Variants in ABL2 observed in about 807,000 individuals in gnomAD.
ABL2 encodes ABL proto-oncogene 2, non-receptor tyrosine kinase, also known as tyrosine-protein kinase ABL2.
A neutral mutation model predicts 107.7 loss-of-function variants in ABL2; 49 were observed. That is an observed-to-expected ratio of 0.45 (90% CI 0.36 to 0.58). The LOEUF (loss-of-function observed/expected upper bound fraction) is 0.58. ABL2 is among the 20% of genes least tolerant of loss of function. ABL2 has a pLI of 0.00. For synonymous variants in ABL2, 549 were observed against 548.6 expected, an observed-to-expected ratio of 1.00 and a Z score of -0.01; for missense variants, 1,245 against 1,457.0, an observed-to-expected ratio of 0.85 and a Z score of 2.37.
chr1:179,178,564 A>G (rs1660189594), intron 1 of ABL2, among the ~76,000 whole-genome samples: 1 of 152,100 alleles, frequency 6.6e-6, no homozygotes, highest in Non-Finnish European at 1.5e-5. Flanking sequence ...ATAAAAACTT[A>G]TGGCAAAAGT....
chr1:179,126,142 C>T lies in ABL2; in HGVS notation c.687+235G>A, dbSNP rs193264512. Reference sequence around the variant, plus strand: ...TAGAGCAGTTCCCTTCATTCTTCACCTTCAAATCTAGCTTATCTTTAAAAT... The same window carrying T: ...TAGAGCAGTTCCCTTCATTCTTCACTTTCAAATCTAGCTTATCTTTAAAAT... On this transcript the variant is annotated intron_variant, in intron 4 of 11. Coordinates refer to ENST00000502732, the MANE Select transcript of ABL2 (RefSeq NM_007314.4). This position sits in a 1 kb window ranked among gnomAD's most constrained non-coding sequence, Gnocchi z 4.4. 6.6e-6 allele frequency among the ~76,000 whole-genome samples: 1 copy of T among 152,246 alleles called. No homozygotes were observed. Among genetic ancestry groups the T allele is most frequent in the Admixed American group, 6.5e-5 (1 of 15,284 alleles).
intron 5 of ABL2, 101 bp downstream of exon 5, chr1:179,121,494 G>A: frequency 6.9e-7 from 1 of 1,455,862 alleles, no homozygotes; most frequent in South Asian, 1.3e-5. Context: ...GCACTAGTGG[G>A]TGGAAAGTGT....
At chr1:179,203,054 G>A (rs1386714196) in intron 1 of ABL2, among the ~76,000 whole-genome samples, 1 of 152,126 alleles carries the variant, frequency 6.6e-6, no homozygotes. Context: ...TTAGATTGTT[G>A]TCTCCCAGTA....
chr1:179,229,170 G>GGCCCCCCCCCCCCCCCC, intron 1 of ABL2, 71 bp downstream of exon 1: 1 of 266,256 alleles, frequency 3.8e-6, no homozygotes. Flanking sequence ...CAGCCCGTCC[G>GGCCCCCCCCCCCCCCCC]CCACCCACCC....
Position 179,103,015 on chromosome 1 carries a change from T to C in ABL2, c.*4703A>G, listed in dbSNP as rs1474907334. The C allele has an allele frequency of 4.5e-6, 1 of 224,518 alleles. No individual in the cohort carries two copies. Among genetic ancestry groups the C allele is most frequent in the African/African-American group, 2.2e-5 (1 of 44,810 alleles). 13.9% of individuals were successfully genotyped at this position (224,518 alleles called of 1,614,324 possible). ...ACTGTCAACATCAACAGATAACAAGTCTGTTCCCACCACATTTAGGATAAA... is the reference window on the plus strand; with the variant it reads ...ACTGTCAACATCAACAGATAACAAGCCTGTTCCCACCACATTTAGGATAAA... On this transcript the variant is annotated 3_prime_UTR_variant, in exon 12 of 12. Coordinates refer to ENST00000502732, the MANE Select transcript of ABL2 (RefSeq NM_007314.4).
intron 1 of ABL2, among the ~76,000 whole-genome samples, chr1:179,182,969 T>C (rs966434414): frequency 6.6e-6 from 1 of 152,164 alleles, no homozygotes; most frequent in Non-Finnish European, 1.5e-5. Flanking sequence ...TGTCATAGTA[T>C]TGCTGGTAAG....
rs575102123 is a variant in ABL2 at position 179,182,800 on chromosome 1, G to A, written c.157+46441C>T. Among the ~76,000 whole-genome samples the A allele has an allele frequency of 3.3e-5, 5 of 152,128 alleles. No individual in the cohort carries two copies. In the South Asian group the frequency reaches 1.0e-3, roughly 32 times the overall value. ...GGAGAGTTAAGTATGCAGTGTTAGT[G>A]GAAACTTTTTTGGTTAACAGCTTAT... On this transcript the variant is annotated intron_variant, in intron 1 of 11. Coordinates refer to ENST00000502732, the MANE Select transcript of ABL2 (RefSeq NM_007314.4).
intron 1 of ABL2, among the ~76,000 whole-genome samples, chr1:179,205,135 TCC>T (rs1425983021): frequency 2.0e-5 from 3 of 151,848 alleles, no homozygotes; most frequent in East Asian, 3.9e-4. Context: ...CAAGAGATTC[TCC>T]TGCCTCAGCC....
At chr1:179,208,469 A>C (rs905856660) in intron 1 of ABL2, among the ~76,000 whole-genome samples, 1 of 152,234 alleles carries the variant, frequency 6.6e-6, no homozygotes. Context: ...ATGTTGCTGC[A>C]AAGGACATGA....
chr1:179,108,525 A>G lies in ABL2; in HGVS notation c.2742T>C (p.Pro914=). ...GGACGGGGGCAGCCTTGGCTGGAGA[A>G]GGCCAGCCCGGCTGCTCTCCATCCT... ...VPEDGEQPGW[P]SPAKAAPVLP... Residue 914 remains proline (P), a synonymous_variant, in exon 12 of 12, where the codon CCT becomes CCC. Transcript: ENST00000502732. The G allele has an allele frequency of 1.2e-6, 2 of 1,614,124 alleles. No individual in the cohort carries two copies. The highest frequency in any genetic ancestry group is 1.7e-6 in the Non-Finnish European group (2 of 1,180,002).
intron 1 of ABL2, among the ~76,000 whole-genome samples, chr1:179,226,626 T>C (rs78608171): frequency 0.026 from 3,898 of 152,268 alleles, 128 homozygotes; most frequent in Admixed American, 0.065. Flanking sequence ...CTGTTTTTAA[T>C]AATAACAGTA....
At chr1:179,136,841 G>A (rs890855817) in intron 1 of ABL2, among the ~76,000 whole-genome samples, 3 of 151,292 alleles carry the variant, frequency 2.0e-5, no homozygotes, top group Non-Finnish European at 4.4e-5. Flanking sequence ...GCTTGAGTCT[G>A]GGAGGTGGAG....
intron 1 of ABL2, among the ~76,000 whole-genome samples, chr1:179,199,286 C>T (rs531391570): frequency 6.6e-5 from 10 of 152,272 alleles, no homozygotes; most frequent in Non-Finnish European, 7.4e-5. Flanking sequence ...GTTTCTATGC[C>T]TCTTCCATCC....
In ABL2 at chr1:179,108,387, G is replaced by A. The variant is rs751842214; in HGVS notation, c.2880C>T (p.Leu960=). The part of the protein sequence containing the change: ...GTDSQGNKFK[L]LSEHQVTSSG... The stretch of plus-strand genomic sequence containing the variant: ...AGGATGTGACCTGATGCTCAGATAA[G>A]AGCTTGAATTTATTCCCCTGAGAGT... Residue 960 remains leucine, a synonymous_variant, in exon 12 of 12, where the codon CTC becomes CTT. Coordinates refer to ENST00000502732, the MANE Select transcript of ABL2 (RefSeq NM_007314.4). The A allele has an allele frequency of 1.3e-4, 207 of 1,614,106 alleles. No individual in the cohort carries two copies. Among genetic ancestry groups the A allele is most frequent in the Non-Finnish European group, 1.7e-4 (203 of 1,180,056 alleles).
At chr1:179,170,832 TG>T (rs1466440261) in intron 1 of ABL2, among the ~76,000 whole-genome samples, 1 of 151,936 alleles carries the variant, frequency 6.6e-6, no homozygotes, top group Non-Finnish European at 1.5e-5. Context: ...TGACCTCAGG[TG>T]ATCTGCCCGC....
intron 1 of ABL2, among the ~76,000 whole-genome samples, chr1:179,153,722 T>G (rs554061395): frequency 4.6e-5 from 7 of 152,170 alleles, no homozygotes; most frequent in Non-Finnish European, 1.0e-4. Flanking sequence ...CATTCATAGG[T>G]TCCAGGGATT....
intron 1 of ABL2, among the ~76,000 whole-genome samples, chr1:179,156,699 A>G (rs1427695778): frequency 6.6e-6 from 1 of 152,070 alleles, no homozygotes; most frequent in Non-Finnish European, 1.5e-5. Flanking sequence ...AACTTGACGA[A>G]ACCCCGTCTC....
At chr1:179,111,916 G>A (rs28913882) in intron 10 of ABL2, among the ~76,000 whole-genome samples, 2,063 of 152,082 alleles carry the variant, frequency 0.014, 12 homozygotes, top group Non-Finnish European at 0.021. Flanking sequence ...GTGGTAGCAG[G>A]TGCCTGCAAT....
At chr1:179,161,055 AG>A (rs1314572512) in intron 1 of ABL2, among the ~76,000 whole-genome samples, 2 of 152,184 alleles carry the variant, frequency 1.3e-5, no homozygotes, top group African/African-American at 4.8e-5. Flanking sequence ...TATCATTCAG[AG>A]GTGATACCAA....
Sources: gnomAD v4.1 joint callset for allele counts (sites outside exome capture counted in the v4.1 genomes callset) on GRCh38, gnomAD v4.1.1 for gene constraint, Gnocchi (gnomAD v3.1) non-coding constraint, MANE v1.5 for transcripts, NCBI Gene and HGNC (gene_info 2026-07-23, HGNC 2026-07-21) for gene names.